Variants in RSU1 observed in about 807,000 individuals in gnomAD.
RSU1 encodes Ras suppressor protein 1.
Under a neutral mutation model 31.1 loss-of-function variants are expected in RSU1, and 26 were observed. The observed-to-expected ratio is 0.84, with a 90% CI of 0.61 to 1.16. The LOEUF (loss-of-function observed/expected upper bound fraction) is 1.16, where lower values mean the gene tolerates loss of function less well. RSU1 is among the 50% of genes most tolerant of loss of function. RSU1 has a pLI of 0.00. For synonymous variants in RSU1, 164 were observed against 136.3 expected (o/e 1.20, Z -1.41); for missense variants, 320 against 339.1 (o/e 0.94, Z 0.44).
intron 8 of RSU1, among the ~76,000 whole-genome samples, chr10:16,689,997 T>C: frequency 6.6e-6 from 1 of 152,228 alleles, no homozygotes; most frequent in Non-Finnish European, 1.5e-5. Flanking sequence ...TTTGTTAACT[T>C]GTTGACAAGA....
intron 2 of RSU1, among the ~76,000 whole-genome samples, chr10:16,789,913 C>T (rs1325289608): frequency 6.6e-5 from 10 of 152,188 alleles, no homozygotes. Flanking sequence ...AACGTGTTGA[C>T]GTGCACAGTT....
intron 8 of RSU1, among the ~76,000 whole-genome samples, chr10:16,643,817 C>T (rs1346213776): frequency 2.0e-5 from 3 of 151,836 alleles, no homozygotes; most frequent in Non-Finnish European, 4.4e-5. Context: ...GTCTGCAAGC[C>T]CAGTCAACTC....
intron 7 of RSU1, among the ~76,000 whole-genome samples, chr10:16,749,340 G>A (rs1397015315): frequency 1.3e-5 from 2 of 152,134 alleles, no homozygotes; most frequent in African/African-American, 2.4e-5. Context: ...ATCAGAACTC[G>A]CCTGGATTCT....
chr10:16,795,270 C>T (rs1281249771), intron 2 of RSU1, among the ~76,000 whole-genome samples: 2 of 147,118 alleles, frequency 1.4e-5, no homozygotes, highest in African/African-American at 5.0e-5. Context: ...AGGAGAATTG[C>T]TTGAACCCAG....
chr10:16,774,401 G>A (rs765266719), intron 3 of RSU1, among the ~76,000 whole-genome samples: 14 of 152,100 alleles, frequency 9.2e-5, no homozygotes, highest in Non-Finnish European at 1.6e-4. Context: ...GGTGAAACCC[G>A]TCTCTACTAA....
At chr10:16,699,489 T>C (rs1346733717) in intron 7 of RSU1, among the ~76,000 whole-genome samples, 1 of 152,148 alleles carries the variant, frequency 6.6e-6, no homozygotes, top group Non-Finnish European at 1.5e-5. Context: ...CGGAGGTAGG[T>C]TCCCTTTTAA....
At chr10:16,757,932 A>G (rs1458945174) in intron 4 of RSU1, among the ~76,000 whole-genome samples, 1 of 152,242 alleles carries the variant, frequency 6.6e-6, no homozygotes, top group African/African-American at 2.4e-5. Flanking sequence ...ATCCACGGTT[A>G]GACAGGCTTA....
intron 8 of RSU1, among the ~76,000 whole-genome samples, chr10:16,594,586 A>C (rs567524948): frequency 1.4e-5 from 2 of 147,302 alleles, no homozygotes; most frequent in South Asian, 2.1e-4. Flanking sequence ...AATTAAAAAA[A>C]ATATATATAT....
chr10:16,743,660 T>C (rs894677900), intron 7 of RSU1, among the ~76,000 whole-genome samples: 1 of 152,172 alleles, frequency 6.6e-6, no homozygotes, highest in Non-Finnish European at 1.5e-5. Context: ...TTCATAGTAA[T>C]AGGATTTAGG....
intron 7 of RSU1, among the ~76,000 whole-genome samples, chr10:16,725,368 C>T (rs4748314): frequency 0.43 from 65,637 of 151,836 alleles, 14,794 homozygotes; most frequent in East Asian, 0.63. Flanking sequence ...AAAGGTGACT[C>T]GAGATTTTTA....
Position 16,679,869 on chromosome 10 carries a change from GTTTTTT to G in RSU1, c.731+15148_731+15153del, listed in dbSNP as rs71374699. ...CTCATCTGGCACAATAAAGACTCAAGTTTTTTTTTTTTTTTTTTTTTTTTTTTTATG... is the reference window on the plus strand; with the variant it reads ...CTCATCTGGCACAATAAAGACTCAAGTTTTTTTTTTTTTTTTTTTTTTATG... On this transcript the variant is annotated intron_variant, in intron 8 of 8. Transcript: ENST00000345264. Among the ~76,000 whole-genome samples, 9 of 124,638 alleles carry G rather than the reference GTTTTTT, an allele frequency of 7.2e-5. 1 individual carries two copies. Among genetic ancestry groups the G allele is most frequent in the South Asian group, 2.8e-4 (1 of 3,516 alleles). 81.8% of individuals were successfully genotyped at this position (124,638 alleles called of 152,430 possible).
intron 8 of RSU1, among the ~76,000 whole-genome samples, chr10:16,597,213 T>G (rs1833630997): frequency 1.3e-5 from 2 of 151,994 alleles, no homozygotes; most frequent in Admixed American, 1.3e-4. Context: ...AGGGCTGAGG[T>G]GGGTGTTCAG....
chr10:16,807,865 T>C (rs1322634361), intron 2 of RSU1, among the ~76,000 whole-genome samples: 1 of 150,718 alleles, frequency 6.6e-6, no homozygotes, highest in Non-Finnish European at 1.5e-5. Context: ...CTACGAAAAA[T>C]ACAAAAAATT....
chr10:16,807,413 T>C (rs1193630680), intron 2 of RSU1, among the ~76,000 whole-genome samples: 4 of 152,218 alleles, frequency 2.6e-5, no homozygotes, highest in East Asian at 3.8e-4. Flanking sequence ...TGAACCAATA[T>C]TTCCCCAACA....
intron 2 of RSU1, among the ~76,000 whole-genome samples, chr10:16,801,574 T>C (rs1179224665): frequency 1.3e-5 from 2 of 152,124 alleles, no homozygotes; most frequent in African/African-American, 4.8e-5. Context: ...CTACTCCATC[T>C]AACAGAAAAA....
chr10:16,594,693 T>G (rs1047045770), intron 8 of RSU1, among the ~76,000 whole-genome samples: 71 of 146,984 alleles, frequency 4.8e-4, no homozygotes, highest in Non-Finnish European at 8.8e-4. Context: ...CTGTATATTA[T>G]ATGTATCATA....
chr10:16,650,512 CAGA>C (rs1170646572), intron 8 of RSU1, among the ~76,000 whole-genome samples: 1 of 149,180 alleles, frequency 6.7e-6, no homozygotes, highest in African/African-American at 2.5e-5. Context: ...AAGAAAGAGG[CAGA>C]AGAACAAGAA....
chr10:16,683,646 A>C (rs1835379238), intron 8 of RSU1, among the ~76,000 whole-genome samples: 1 of 152,180 alleles, frequency 6.6e-6, no homozygotes, highest in African/African-American at 2.4e-5. Context: ...AACTCTGTAA[A>C]ATATTTGGAG....
chr10:16,804,734 C>T (rs1441549483), intron 2 of RSU1, among the ~76,000 whole-genome samples: 1 of 152,138 alleles, frequency 6.6e-6, no homozygotes, highest in East Asian at 1.9e-4. Flanking sequence ...ATATACCCTA[C>T]GATTCCAGCT....
Sources: allele counts gnomAD v4.1 joint callset (sites outside exome capture counted in the v4.1 genomes callset), GRCh38; gene constraint gnomAD v4.1.1; transcripts MANE v1.5; gene names NCBI Gene and HGNC (gene_info 2026-07-23, HGNC 2026-07-21).